LRMDA: variants seen among roughly 807,000 people sequenced by gnomAD.
The protein encoded by LRMDA is leucine rich melanocyte differentiation associated.
Under a neutral mutation model 29.8 loss-of-function variants are expected in LRMDA, and 18 were observed. The observed-to-expected ratio is 0.60, with a 90% CI of 0.42 to 0.90. The LOEUF (loss-of-function observed/expected upper bound fraction) is 0.90. Among genes scored for constraint, LRMDA ranks in the 40% least tolerant of loss-of-function variants. The pLI is 0.00. For synonymous variants in LRMDA, 125 were observed against 109.4 expected (o/e 1.14, Z -0.89); for missense variants, 273 against 273.9 (o/e 1.00, Z 0.02).
chr10:75,528,526 G>A (rs1253169378), intron 2 of LRMDA, among the ~76,000 whole-genome samples: 1 of 152,204 alleles, frequency 6.6e-6, no homozygotes, highest in Non-Finnish European at 1.5e-5. Context: ...AGCAGGGGTT[G>A]AGAAGACATT....
At chr10:75,828,876 A>G (rs1844290345) in intron 2 of LRMDA, among the ~76,000 whole-genome samples, 1 of 152,016 alleles carries the variant, frequency 6.6e-6, no homozygotes, top group Admixed American at 6.6e-5. Context: ...ATTTCTTGTA[A>G]TTTATTCAGC....
intron 2 of LRMDA, among the ~76,000 whole-genome samples, chr10:76,001,381 G>A (rs572818641): frequency 7.2e-5 from 11 of 152,172 alleles, no homozygotes; most frequent in South Asian, 6.2e-4. Context: ...ATCACACAGC[G>A]TATCAAAGAT....
At chr10:75,611,751 G>C (rs1452123712) in intron 2 of LRMDA, among the ~76,000 whole-genome samples, 2 of 152,156 alleles carry the variant, frequency 1.3e-5, no homozygotes, top group African/African-American at 4.8e-5. Context: ...TGTAACCCCT[G>C]GCCAGAAATT....
At chr10:75,849,342 A>G (rs1027391954) in intron 2 of LRMDA, among the ~76,000 whole-genome samples, 1 of 151,648 alleles carries the variant, frequency 6.6e-6, no homozygotes, top group Non-Finnish European at 1.5e-5. Flanking sequence ...AAGTAGTTCT[A>G]TGGAATCCAC....
intron 5 of LRMDA, among the ~76,000 whole-genome samples, chr10:76,134,943 A>C (rs886270270): frequency 6.6e-6 from 1 of 152,226 alleles, no homozygotes; most frequent in African/African-American, 2.4e-5. Context: ...TATGAAATGG[A>C]AAAAGGACTC....
At chr10:75,918,964 A>C (rs1479829428) in intron 2 of LRMDA, among the ~76,000 whole-genome samples, 2 of 152,212 alleles carry the variant, frequency 1.3e-5, no homozygotes, top group South Asian at 4.1e-4. Flanking sequence ...CCTGCAGAGT[A>C]AAAAGAGAAA....
Position 75,562,819 on chromosome 10 carries a change from A to G in LRMDA, c.131+124325A>G, listed in dbSNP as rs943347214. Among the ~76,000 whole-genome samples, 15 of 152,184 alleles carry G rather than the reference A, an allele frequency of 9.9e-5. No individual in the cohort carries two copies. The East Asian group carries it at 2.1e-3, about 22-fold the overall frequency. ...AGTTTGGCTGGATATGAAATTCTGG[A>G]TTGAAAATTCTTTTCTTTAAGTATG... On this transcript the variant is annotated intron_variant, in intron 2 of 6. Coordinates refer to ENST00000611255, the MANE Select transcript of LRMDA (RefSeq NM_001305581.2).
intron 2 of LRMDA, among the ~76,000 whole-genome samples, chr10:75,799,545 T>G (rs1194441314): frequency 6.6e-6 from 1 of 152,014 alleles, no homozygotes; most frequent in African/African-American, 2.4e-5. Context: ...AATGGAGTCT[T>G]GCTCTGTCAC....
chr10:75,896,841 T>TTGTGTGTGTGTGTGTG (rs35428137), intron 2 of LRMDA, among the ~76,000 whole-genome samples: 204 of 147,546 alleles, frequency 1.4e-3, no homozygotes, highest in South Asian at 7.3e-3. Context: ...GAGTGTGCAT[T>TTGTGTGTGTGTGTGTG]TGTGTGTGTG....
intron 2 of LRMDA, among the ~76,000 whole-genome samples, chr10:75,454,687 C>A (rs149263020): frequency 5.9e-5 from 9 of 152,336 alleles, no homozygotes; most frequent in African/African-American, 2.2e-4. Flanking sequence ...GGTTGGCTCA[C>A]GTGAATTCTT....
chr10:76,149,913 TG>T (rs1463165010), intron 5 of LRMDA, among the ~76,000 whole-genome samples: 4 of 152,118 alleles, frequency 2.6e-5, no homozygotes, highest in Admixed American at 6.5e-5. Context: ...AATGGGCACC[TG>T]GTTGATGAGG....
intron 2 of LRMDA, among the ~76,000 whole-genome samples, chr10:75,870,381 C>CAT (rs3042516): frequency 0.76 from 116,281 of 152,006 alleles, 44,749 homozygotes; most frequent in East Asian, 0.98. Flanking sequence ...CATTTAGAAA[C>CAT]ATGTGTTATG....
At chr10:76,507,309 A>G (rs2132348395) in intron 6 of LRMDA, among the ~76,000 whole-genome samples, 1 of 150,294 alleles carries the variant, frequency 6.7e-6, no homozygotes, top group African/African-American at 2.4e-5. Flanking sequence ...TATTAATATT[A>G]TTTTTGCTAT....
At chr10:75,889,811 A>C (rs563285939) in intron 2 of LRMDA, among the ~76,000 whole-genome samples, 1 of 152,364 alleles carries the variant, frequency 6.6e-6, no homozygotes, top group South Asian at 2.1e-4. Flanking sequence ...CTGGAGAGAC[A>C]AGACCATTCT....
intron 2 of LRMDA, among the ~76,000 whole-genome samples, chr10:75,945,435 A>C (rs1481208867): frequency 6.6e-6 from 1 of 152,150 alleles, no homozygotes. Flanking sequence ...CAGTGGCAAA[A>C]TTCATCCTTA....
chr10:75,878,483 G>A (rs556942069), intron 2 of LRMDA, among the ~76,000 whole-genome samples: 2 of 151,840 alleles, frequency 1.3e-5, no homozygotes, highest in Admixed American at 6.5e-5. Context: ...GCGTCATCCC[G>A]CCTCAAAGGC....
intron 2 of LRMDA, among the ~76,000 whole-genome samples, chr10:75,732,687 C>T (rs1265171615): frequency 6.6e-6 from 1 of 152,118 alleles, no homozygotes; most frequent in Non-Finnish European, 1.5e-5. Context: ...TCCAGACTGC[C>T]TATTTGTTCA....
intron 2 of LRMDA, among the ~76,000 whole-genome samples, chr10:75,585,860 C>T (rs541382656): frequency 1.3e-5 from 2 of 152,208 alleles, no homozygotes; most frequent in Non-Finnish European, 2.9e-5. Context: ...CTGGCAACCA[C>T]TATTCAACTC....
intron 6 of LRMDA, among the ~76,000 whole-genome samples, chr10:76,481,415 C>A (rs959124763): frequency 1.3e-5 from 2 of 151,826 alleles, no homozygotes. Flanking sequence ...TTAAGGCCTT[C>A]TTTAGGGAGA....
Sources: allele counts gnomAD v4.1 joint callset (sites outside exome capture counted in the v4.1 genomes callset), GRCh38; gene constraint gnomAD v4.1.1; transcripts MANE v1.5; gene names NCBI Gene and HGNC (gene_info 2026-07-23, HGNC 2026-07-21).